The following IL1RAPL1 variants were observed in gnomAD, a reference collection of about 807,000 sequenced individuals.
IL1RAPL1 encodes the protein interleukin-1 receptor accessory protein-like 1.
IL1RAPL1 carries 3 observed loss-of-function variants against 48.4 expected under a neutral mutation model. That is an observed-to-expected ratio of 0.06 (90% confidence interval 0.03 to 0.16). The LOEUF (loss-of-function observed/expected upper bound fraction) is 0.16. Ranked by LOEUF, IL1RAPL1 falls within the 10% of genes least tolerant of loss-of-function variation. IL1RAPL1 has a pLI of 1.00. For synonymous variants in IL1RAPL1, 185 were observed against 187.7 expected, an observed-to-expected ratio of 0.99 and a Z score of 0.12; for missense variants, 349 against 530.6, an observed-to-expected ratio of 0.66 and a Z score of 3.36.
At chrX:29,608,128 A>G (rs1306986726) in intron 5 of IL1RAPL1, among the ~76,000 whole-genome samples, 2 of 112,001 alleles carry the variant, frequency 1.8e-5, no homozygotes, top group African/African-American at 6.5e-5. Context: ...AACCTCTAAG[A>G]TGTCCCCTCT....
chrX:28,797,357 CA>C (rs1936625543), intron 2 of IL1RAPL1, among the ~76,000 whole-genome samples: 1 of 111,816 alleles, frequency 8.9e-6, no homozygotes, highest in African/African-American at 3.3e-5. Flanking sequence ...ATCACATTGT[CA>C]GGCTGCAAAT....
intron 6 of IL1RAPL1, among the ~76,000 whole-genome samples, chrX:29,885,526 A>G (rs1417731304): frequency 1.8e-5 from 2 of 111,775 alleles, no homozygotes; most frequent in African/African-American, 6.5e-5. Flanking sequence ...AGCATATACA[A>G]TCAGACGGGC....
intron 5 of IL1RAPL1, among the ~76,000 whole-genome samples, chrX:29,406,137 C>A (rs949277387): frequency 9.0e-6 from 1 of 111,691 alleles, no homozygotes; most frequent in Non-Finnish European, 1.9e-5. Context: ...CGCCTATAAT[C>A]CCAGCACTTT....
At chrX:29,589,146 G>C (rs753103215) in intron 5 of IL1RAPL1, among the ~76,000 whole-genome samples, 3 of 112,059 alleles carry the variant, frequency 2.7e-5, no homozygotes, top group Non-Finnish European at 5.6e-5. Context: ...CACAGATCTA[G>C]TAAACTGACT....
chrX:28,956,760 A>G (rs1363262492), intron 2 of IL1RAPL1, among the ~76,000 whole-genome samples: 2 of 108,027 alleles, frequency 1.9e-5, no homozygotes, highest in Non-Finnish European at 3.8e-5. Context: ...TTGGTATCAG[A>G]ATGATGCTGG....
chrX:29,127,673 T>C (rs1313139827), intron 2 of IL1RAPL1, among the ~76,000 whole-genome samples: 1 of 110,264 alleles, frequency 9.1e-6, no homozygotes, highest in Non-Finnish European at 1.9e-5. Flanking sequence ...AAATTTAATA[T>C]GGCTGGCTGG....
At chrX:28,923,179 C>CTTT (rs746840935) in intron 2 of IL1RAPL1, among the ~76,000 whole-genome samples, 2 of 110,948 alleles carry the variant, frequency 1.8e-5, no homozygotes, top group African/African-American at 6.6e-5. Flanking sequence ...CTTTTTCTTT[C>CTTT]TTTTCTTTTT....
In IL1RAPL1 at chrX:29,418,125, A is replaced by AT. The variant is rs1186251989; in HGVS notation, c.703+18834dup. Among the ~76,000 whole-genome samples the AT allele has an allele frequency of 7.9e-4, 21 of 26,698 alleles. 1 individual carries two copies. The highest frequency in any genetic ancestry group is 5.7e-3 in the South Asian group (1 of 176). 23.2% of individuals were successfully genotyped at this position (26,698 alleles called of 115,157 possible). ...TATATATATATATATATATATATAT[A>AT]TTTTTTTTTTTTTTTTTGAGATGGA... On this transcript the variant is annotated intron_variant, in intron 5 of 10. Transcript: ENST00000378993.
chrX:29,306,530 G>GAAAAAAAAAAA (rs1166748708), intron 3 of IL1RAPL1, among the ~76,000 whole-genome samples: 2 of 33,444 alleles, frequency 6.0e-5, no homozygotes, highest in African/African-American at 1.4e-4. Flanking sequence ...TCTGTCAAAA[G>GAAAAAAAAAAA]AAAAAAAAAA....
chrX:29,496,889 A>G (rs1183488908), intron 5 of IL1RAPL1, among the ~76,000 whole-genome samples: 1 of 111,346 alleles, frequency 9.0e-6, no homozygotes, highest in African/African-American at 3.3e-5. Context: ...GACATAAACA[A>G]CTCTCTTAAC....
chrX:28,624,784 C>T (rs1242913178), intron 1 of IL1RAPL1, among the ~76,000 whole-genome samples: 5 of 111,946 alleles, frequency 4.5e-5, no homozygotes, highest in African/African-American at 1.6e-4. Context: ...TTGATTTCCC[C>T]TGTAATTCCT....
intron 8 of IL1RAPL1, among the ~76,000 whole-genome samples, chrX:29,931,442 C>T (rs1259485550): frequency 9.0e-6 from 1 of 111,419 alleles, no homozygotes; most frequent in East Asian, 2.8e-4. Flanking sequence ...ACAAATTTTG[C>T]CACACACATT....
chrX:29,823,404 A>G (rs1490780892), intron 6 of IL1RAPL1, among the ~76,000 whole-genome samples: 2 of 112,200 alleles, frequency 1.8e-5, no homozygotes, highest in Admixed American at 9.4e-5. Flanking sequence ...CTCTAAAATA[A>G]CATTATGCAA....
intron 5 of IL1RAPL1, among the ~76,000 whole-genome samples, chrX:29,603,561 GT>G (rs1178078083): frequency 9.0e-6 from 1 of 111,444 alleles, no homozygotes; most frequent in Admixed American, 9.6e-5. Context: ...AGCCCAATCA[GT>G]TTTTTTATTT....
At chrX:29,741,935 G>GAAA (rs1182352727) in intron 6 of IL1RAPL1, among the ~76,000 whole-genome samples, 1 of 61,850 alleles carries the variant, frequency 1.6e-5, no homozygotes, top group Non-Finnish European at 2.9e-5. Context: ...AAAAAAAAAA[G>GAAA]AAAAAAAAAA....
At chrX:29,801,972 A>G (rs1929917291) in intron 6 of IL1RAPL1, among the ~76,000 whole-genome samples, 1 of 112,127 alleles carries the variant, frequency 8.9e-6, no homozygotes, top group Non-Finnish European at 1.9e-5. Flanking sequence ...TCTATTATTG[A>G]TATAATGAAT....
chrX:28,842,903 A>C (rs56053906), intron 2 of IL1RAPL1, among the ~76,000 whole-genome samples: 2,648 of 111,099 alleles, frequency 0.024, 76 homozygotes, highest in African/African-American at 0.082. Flanking sequence ...TGGTGTGTTC[A>C]TGATGACCTC....
chrX:29,363,851 A>G (rs1328865823), intron 3 of IL1RAPL1, among the ~76,000 whole-genome samples: 1 of 111,248 alleles, frequency 9.0e-6, no homozygotes, highest in Non-Finnish European at 1.9e-5. Context: ...CCATGATCCA[A>G]TCACCTCTCA....
At chrX:29,930,572 T>A (rs1932936265) in intron 8 of IL1RAPL1, among the ~76,000 whole-genome samples, 1 of 111,998 alleles carries the variant, frequency 8.9e-6, no homozygotes, top group Non-Finnish European at 1.9e-5. Flanking sequence ...TTCCATGTGA[T>A]CTTTAATTTC....
Sources: gnomAD v4.1 joint callset for allele counts (sites outside exome capture counted in the v4.1 genomes callset) on GRCh38, gnomAD v4.1.1 for gene constraint, MANE v1.5 for transcripts, NCBI Gene and HGNC (gene_info 2026-07-23, HGNC 2026-07-21) for gene names.